The following TMCC1 variants were observed in gnomAD, a reference collection of about 807,000 sequenced individuals.
The protein encoded by TMCC1 is transmembrane and coiled-coil domain family 1, also known as transmembrane and coiled-coil domains protein 1.
A neutral mutation model predicts 52.4 loss-of-function variants in TMCC1; 15 were observed. That is an observed-to-expected ratio of 0.29 (90% CI 0.19 to 0.44). TMCC1 has a LOEUF of 0.44. TMCC1 is among the 20% of genes least tolerant of loss of function. The pLI is 1.00. For synonymous variants in TMCC1, 279 were observed against 301.9 expected, an observed-to-expected ratio of 0.92 and a Z score of 0.79; for missense variants, 503 against 806.0, an observed-to-expected ratio of 0.62 and a Z score of 4.55.
chr3:129,745,875 A>ACTG (rs919932634), intron 4 of TMCC1, among the ~76,000 whole-genome samples: 2 of 151,814 alleles, frequency 1.3e-5, no homozygotes, highest in Non-Finnish European at 2.9e-5. Context: ...AGATTGTGCC[A>ACTG]CTGCACTCCA....
chr3:129,848,677 C>T (rs2059775974), intron 2 of TMCC1, among the ~76,000 whole-genome samples: 2 of 152,230 alleles, frequency 1.3e-5, no homozygotes, highest in South Asian at 2.1e-4. Flanking sequence ...TACACAAATC[C>T]GTGCCAACCA....
intron 4 of TMCC1, among the ~76,000 whole-genome samples, chr3:129,684,310 T>C (rs1457045202): frequency 1.3e-5 from 2 of 152,206 alleles, no homozygotes; most frequent in South Asian, 2.1e-4. Context: ...AAAAGGCAAA[T>C]TGAATGCTTA....
chr3:129,708,508 T>C (rs1357927526), intron 4 of TMCC1, among the ~76,000 whole-genome samples: 1 of 152,252 alleles, frequency 6.6e-6, no homozygotes, highest in Non-Finnish European at 1.5e-5. Context: ...ATAAATCACA[T>C]AAATGTGGTA....
At chr3:129,761,375 C>T (rs947373513) in intron 4 of TMCC1, among the ~76,000 whole-genome samples, 1 of 151,344 alleles carries the variant, frequency 6.6e-6, no homozygotes, top group Admixed American at 6.6e-5. Flanking sequence ...ACCTGTTGAT[C>T]CCTCCTCCTC....
intron 4 of TMCC1, among the ~76,000 whole-genome samples, chr3:129,787,912 A>G (rs150488853): frequency 1.0e-3 from 158 of 152,352 alleles, no homozygotes; most frequent in African/African-American, 3.4e-3. Context: ...TAACAAGTCT[A>G]AAATTTACTT....
intron 2 of TMCC1, among the ~76,000 whole-genome samples, chr3:129,863,264 T>G (rs897966380): frequency 6.6e-6 from 1 of 152,196 alleles, no homozygotes; most frequent in South Asian, 2.1e-4. Context: ...TACCTCAATT[T>G]TAAATAATGA....
intron 2 of TMCC1, among the ~76,000 whole-genome samples, chr3:129,853,194 G>GA (rs1051367169): frequency 5.4e-5 from 8 of 149,492 alleles, no homozygotes; most frequent in East Asian, 2.0e-4. Context: ...AAAAAGAAAA[G>GA]AAAAAAAAGA....
intron 4 of TMCC1, among the ~76,000 whole-genome samples, chr3:129,735,070 T>G (rs901848018): frequency 6.6e-6 from 1 of 151,998 alleles, no homozygotes; most frequent in African/African-American, 2.4e-5. Flanking sequence ...CCCGGCTAAT[T>G]TTTTACATTT....
At chr3:129,704,513 G>C (rs1246257622) in intron 4 of TMCC1, among the ~76,000 whole-genome samples, 1 of 152,144 alleles carries the variant, frequency 6.6e-6, no homozygotes, top group Non-Finnish European at 1.5e-5. Flanking sequence ...CCGCCTCCCA[G>C]GTTCAAGTGA....
chr3:129,662,432 A>C (rs2087110214), intron 5 of TMCC1, among the ~76,000 whole-genome samples: 1 of 152,182 alleles, frequency 6.6e-6, no homozygotes, highest in Non-Finnish European at 1.5e-5. Flanking sequence ...GCTGTAATAC[A>C]ATAGTGTTTG....
At chr3:129,726,891 A>AAAAAAAAAAAAAAAAAAAC (rs2050143262) in intron 4 of TMCC1, among the ~76,000 whole-genome samples, 1 of 143,874 alleles carries the variant, frequency 7.0e-6, no homozygotes, top group Non-Finnish European at 1.5e-5. Flanking sequence ...AAAAAAAAAA[A>AAAAAAAAAAAAAAAAAAAC]AAAAAAAGAA....
intron 2 of TMCC1, among the ~76,000 whole-genome samples, chr3:129,871,100 TG>T (rs1440213050): frequency 6.6e-6 from 1 of 152,136 alleles, no homozygotes; most frequent in Non-Finnish European, 1.5e-5. Flanking sequence ...GGCTCACACC[TG>T]TAATCCCAGC....
intron 1 of TMCC1, among the ~76,000 whole-genome samples, chr3:129,880,901 T>C (rs2061428736): frequency 6.6e-6 from 1 of 151,548 alleles, no homozygotes; most frequent in South Asian, 2.1e-4. Context: ...TTTGCTCTTG[T>C]TGCCCAGGCT....
intron 4 of TMCC1, among the ~76,000 whole-genome samples, chr3:129,679,163 A>G (rs903444811): frequency 6.6e-6 from 1 of 152,194 alleles, no homozygotes; most frequent in Non-Finnish European, 1.5e-5. Context: ...ACAGGCACCC[A>G]TGTCAGGGCT....
At chr3:129,891,406 T>G (rs1185352412) in intron 1 of TMCC1, among the ~76,000 whole-genome samples, 1 of 152,234 alleles carries the variant, frequency 6.6e-6, no homozygotes, top group Non-Finnish European at 1.5e-5. Flanking sequence ...ATGTGAAAAT[T>G]TTATGAAATT....
At chr3:129,720,639 C>T (rs2049501231) in intron 4 of TMCC1, among the ~76,000 whole-genome samples, 1 of 152,082 alleles carries the variant, frequency 6.6e-6, no homozygotes, top group Admixed American at 6.6e-5. Context: ...CCTAGTGGAG[C>T]CCAGCCCAAA....
intron 4 of TMCC1, among the ~76,000 whole-genome samples, chr3:129,770,463 A>G (rs934053703): frequency 2.0e-5 from 3 of 152,078 alleles, no homozygotes; most frequent in African/African-American, 7.2e-5. Context: ...TTGCAGTCCC[A>G]GTTACTCAGG....
chr3:129,817,429 A>G (rs2107807303), intron 4 of TMCC1, among the ~76,000 whole-genome samples: 1 of 152,318 alleles, frequency 6.6e-6, no homozygotes, highest in East Asian at 1.9e-4. Context: ...AGCCTGAGCA[A>G]CAAAGAAAGA....
intron 4 of TMCC1, among the ~76,000 whole-genome samples, chr3:129,719,841 C>T (rs1443493471): frequency 6.6e-6 from 1 of 152,062 alleles, no homozygotes; most frequent in African/African-American, 2.4e-5. Context: ...CATCCAATCT[C>T]GTATACCCTT....
Sources: allele counts gnomAD v4.1 joint callset (sites outside exome capture counted in the v4.1 genomes callset), GRCh38; gene constraint gnomAD v4.1.1; transcripts MANE v1.5; gene names NCBI Gene and HGNC (gene_info 2026-07-23, HGNC 2026-07-21).